Variants in LRRTM3 observed in about 807,000 individuals in gnomAD.
LRRTM3 encodes the protein leucine-rich repeat transmembrane neuronal protein 3.
In LRRTM3, 24 loss-of-function variants were observed where a neutral mutation model predicts 44.7. The ratio of observed to expected loss-of-function variants is 0.54; its 90% CI spans 0.39 to 0.76. The LOEUF is 0.76. Ranked by LOEUF, LRRTM3 falls within the 30% of genes least tolerant of loss-of-function variation. The pLI, the probability that LRRTM3 is intolerant of heterozygous loss-of-function variation, is 0.00. For missense variants in LRRTM3, 587 were observed against 702.2 expected, an observed-to-expected ratio of 0.84 and a Z score of 1.85; for synonymous variants, 277 against 278.7, an observed-to-expected ratio of 0.99 and a Z score of 0.06.
chr10:66,942,552 C>A (rs1251778580), intron 2 of LRRTM3, among the ~76,000 whole-genome samples: 7 of 46,938 alleles, frequency 1.5e-4, no homozygotes, highest in Middle Eastern at 9.6e-3. Context: ...CATAATGTCT[C>A]TCTCTCTCTC....
intron 2 of LRRTM3, among the ~76,000 whole-genome samples, chr10:67,094,783 A>G (rs1203781226): frequency 6.6e-6 from 1 of 151,758 alleles, no homozygotes; most frequent in African/African-American, 2.4e-5. Flanking sequence ...AATTCAACAA[A>G]GACTTACCTG....
At chr10:67,074,443 C>T (rs570212534) in intron 2 of LRRTM3, among the ~76,000 whole-genome samples, 111 of 147,394 alleles carry the variant, frequency 7.5e-4, no homozygotes, top group African/African-American at 2.7e-3. Context: ...CTCCACCTCC[C>T]GGGTTCACGC....
intron 2 of LRRTM3, among the ~76,000 whole-genome samples, chr10:67,058,545 G>C (rs1032576095): frequency 2.0e-5 from 3 of 152,012 alleles, no homozygotes; most frequent in African/African-American, 7.2e-5. Flanking sequence ...TGAGTGACTG[G>C]CCCATGAACT....
intron 2 of LRRTM3, among the ~76,000 whole-genome samples, chr10:67,031,261 A>G (rs1329649340): frequency 6.6e-6 from 1 of 152,196 alleles, no homozygotes; most frequent in Admixed American, 6.5e-5. Context: ...AAACTGTTCA[A>G]CATCAAATGA....
chr10:66,934,775 A>G (rs1175590623), intron 2 of LRRTM3, among the ~76,000 whole-genome samples: 1 of 152,174 alleles, frequency 6.6e-6, no homozygotes, highest in African/African-American at 2.4e-5. Flanking sequence ...GGCCTGGCAT[A>G]TAAAATAGTA....
At chr10:67,007,217 T>G (rs1042297344) in intron 2 of LRRTM3, among the ~76,000 whole-genome samples, 1 of 152,222 alleles carries the variant, frequency 6.6e-6, no homozygotes, top group Non-Finnish European at 1.5e-5. Flanking sequence ...TGTCAGTTCC[T>G]GTTTAGCATC....
chr10:66,927,054 T>C lies in LRRTM3; in HGVS notation c.138T>C (p.Tyr46=), dbSNP rs1323404665. 1 of 1,614,066 alleles carries C rather than the reference T, an allele frequency of 6.2e-7. No homozygotes were observed. Among genetic ancestry groups the C allele is most frequent in the Non-Finnish European group, 8.5e-7 (1 of 1,180,046 alleles). The change falls in exon 2 of 3, where the codon TAT becomes TAC. Residue 46 remains tyrosine, a synonymous_variant. Transcript: ENST00000361320. This position sits in a 1 kb window ranked among gnomAD's most constrained non-coding sequence, Gnocchi z 4.7. ...KGCRCEGKMV[Y]CESQKLQEIP... ...GTAGGTGTGAAGGCAAAATGGTATA[T>C]TGTGAATCTCAGAAATTACAGGAGA... is the stretch of plus-strand genomic sequence containing the variant.
At chr10:67,012,800 G>A (rs1852422240) in intron 2 of LRRTM3, among the ~76,000 whole-genome samples, 1 of 152,012 alleles carries the variant, frequency 6.6e-6, no homozygotes, top group Non-Finnish European at 1.5e-5. Context: ...GTTTGTTAAA[G>A]TTTTATTAAA....
At position 67,092,041 on chromosome 10, in the gene LRRTM3, G is replaced by A. The variant is rs141463588; in HGVS notation, c.1537-5546G>A. On this transcript the variant is annotated intron_variant, in intron 2 of 2. Transcript: ENST00000361320. ...ATGAAAAATAAAAGTAAGAAAATAC[G>A]CCTCTGAATTTCAAGATAAAATGCA... Among the ~76,000 whole-genome samples the A allele has an allele frequency of 9.2e-4, 139 of 151,708 alleles. 2 individuals carry two copies. The highest frequency in any genetic ancestry group is 3.1e-3 in the African/African-American group (130 of 41,358).
intron 2 of LRRTM3, among the ~76,000 whole-genome samples, chr10:66,935,985 C>T (rs1188257164): frequency 1.3e-5 from 2 of 152,102 alleles, no homozygotes; most frequent in Non-Finnish European, 2.9e-5. Flanking sequence ...ACCATTAGAA[C>T]ATCCCTCTGC....
At chr10:66,938,375 TAA>T (rs939065925) in intron 2 of LRRTM3, among the ~76,000 whole-genome samples, 2 of 152,134 alleles carry the variant, frequency 1.3e-5, no homozygotes, top group South Asian at 2.1e-4. Context: ...ACTGATAATA[TAA>T]AGAGTCAACC....
chr10:66,998,935 T>G (rs1851524355), intron 2 of LRRTM3, among the ~76,000 whole-genome samples: 1 of 152,086 alleles, frequency 6.6e-6, no homozygotes. Flanking sequence ...GCTTTAAAAC[T>G]GAACATATAC....
intron 2 of LRRTM3, among the ~76,000 whole-genome samples, chr10:66,987,232 C>T (rs1441857882): frequency 6.6e-6 from 1 of 152,082 alleles, no homozygotes; most frequent in Non-Finnish European, 1.5e-5. Flanking sequence ...CTGAATGAAA[C>T]GGGTGGCCAC....
intron 2 of LRRTM3, among the ~76,000 whole-genome samples, chr10:67,075,170 G>GCGCACACACA (rs111391840): frequency 1.3e-5 from 2 of 149,640 alleles, no homozygotes; most frequent in Non-Finnish European, 3.0e-5. Flanking sequence ...AAGGATTTCT[G>GCGCACACACA]CACACACACA....
intron 2 of LRRTM3, among the ~76,000 whole-genome samples, chr10:66,958,158 G>A (rs1425330880): frequency 6.6e-6 from 1 of 151,922 alleles, no homozygotes; most frequent in African/African-American, 2.4e-5. Context: ...TCCATCTCTA[G>A]TATCATTTGT....
chr10:67,012,284 G>A (rs943871156), intron 2 of LRRTM3: 3 of 152,150 alleles, frequency 2.0e-5, no homozygotes, highest in Non-Finnish European at 4.4e-5. Flanking sequence ...CATGGGTAGA[G>A]AACTGAAACC....
intron 2 of LRRTM3, among the ~76,000 whole-genome samples, chr10:67,025,267 T>C (rs1564839458): frequency 6.6e-6 from 1 of 152,000 alleles, no homozygotes; most frequent in Non-Finnish European, 1.5e-5. Context: ...GTTAACTAAA[T>C]TCTGGTATAT....
At chr10:66,928,518 T>C (rs1847201027) in intron 2 of LRRTM3, 66 bp downstream of exon 2, 2 of 1,445,582 alleles carry the variant, frequency 1.4e-6, no homozygotes, top group Admixed American at 2.3e-5. Flanking sequence ...TATTGAACTC[T>C]GGTGACTATC....
At chr10:66,934,802 T>C (rs1435995270) in intron 2 of LRRTM3, among the ~76,000 whole-genome samples, 1 of 152,140 alleles carries the variant, frequency 6.6e-6, no homozygotes, top group African/African-American at 2.4e-5. Context: ...ATACTACATT[T>C]AGCAAAGGCA....
Sources: gnomAD v4.1 joint callset for allele counts (sites outside exome capture counted in the v4.1 genomes callset) on GRCh38, gnomAD v4.1.1 for gene constraint, Gnocchi (gnomAD v3.1) non-coding constraint, MANE v1.5 for transcripts, NCBI Gene and HGNC (gene_info 2026-07-23, HGNC 2026-07-21) for gene names.